The following SLC44A2 variants were observed in gnomAD, a reference collection of about 807,000 sequenced individuals.
SLC44A2 encodes choline transporter-like protein 2.
Under a neutral mutation model 90.8 loss-of-function variants are expected in SLC44A2, and 57 were observed. That is an observed-to-expected ratio of 0.63 (90% confidence interval 0.51 to 0.78). The LOEUF is 0.78. Among genes scored for constraint, SLC44A2 ranks in the 30% least tolerant of loss-of-function variants. The pLI, the probability that SLC44A2 is intolerant of heterozygous loss-of-function variation, is 0.00. For synonymous variants in SLC44A2, 355 were observed against 360.7 expected (o/e 0.98, Z 0.18); for missense variants, 794 against 919.7 (o/e 0.86, Z 1.77).
At chr19:10,610,631 C>CTTTTTT (rs56002726) in intron 1 of SLC44A2, among the ~76,000 whole-genome samples, 9 of 48,014 alleles carry the variant, frequency 1.9e-4, no homozygotes, top group African/African-American at 3.7e-4. Flanking sequence ...CCGCGCCTGG[C>CTTTTTT]TTTTTTTTTT....
chr19:10,613,735 G>A (rs1195045285), intron 1 of SLC44A2, among the ~76,000 whole-genome samples: 2 of 152,074 alleles, frequency 1.3e-5, no homozygotes, highest in Middle Eastern at 3.2e-3. Context: ...ATGGAACGAC[G>A]GAAGCGAGGT....
At chr19:10,628,962 A>G (rs1048479822) in intron 4 of SLC44A2, among the ~76,000 whole-genome samples, 1 of 151,818 alleles carries the variant, frequency 6.6e-6, no homozygotes, top group African/African-American at 2.4e-5. Context: ...TCACACCTGT[A>G]ATCCCAGCAC....
At chr19:10,637,171 GA>G (rs2067066708) in intron 16 of SLC44A2, 1 of 217,328 alleles carries the variant, frequency 4.6e-6, no homozygotes. Flanking sequence ...CCAACATGGT[GA>G]AACCCCGTCT....
chr19:10,618,666 A>G (rs1286112446), intron 1 of SLC44A2, among the ~76,000 whole-genome samples: 1 of 151,636 alleles, frequency 6.6e-6, no homozygotes, highest in Non-Finnish European at 1.5e-5. Context: ...TTTTTAGTAG[A>G]GACGGGGTTT....
At chr19:10,632,315 T>C (rs1294229212) in intron 10 of SLC44A2, among the ~76,000 whole-genome samples, 159 bp downstream of exon 10, 3 of 152,074 alleles carry the variant, frequency 2.0e-5, no homozygotes, top group East Asian at 3.9e-4. Flanking sequence ...GGCAGGCAGA[T>C]CACCCGAGGT....
At chr19:10,607,803 T>TG (rs1205983880) in intron 1 of SLC44A2, among the ~76,000 whole-genome samples, 1 of 149,212 alleles carries the variant, frequency 6.7e-6, no homozygotes, top group African/African-American at 2.4e-5. Flanking sequence ...TGGAGTGCAG[T>TG]GGCGTGATCT....
At chr19:10,643,126 G>C in intron 21 of SLC44A2, 153 bp from the exon 22 acceptor site, 3 of 1,450,016 alleles carry the variant, frequency 2.1e-6, no homozygotes, top group Non-Finnish European at 2.7e-6. Flanking sequence ...TGTGTCCCTC[G>C]GAGCCCACTA....
chr19:10,632,081 A>G lies in SLC44A2; in HGVS notation c.748A>G (p.Ile250Val), dbSNP rs766071200. Residue 250 changes from isoleucine (I) to valine (V), a missense_variant, in exon 10 of 22, where the codon ATC becomes GTC. By Grantham distance (29) the Ile-to-Val change is conservative. Transcript: ENST00000335757. ...TGCCATGGCGATGAGCCTCCTGTTC[A>G]TCATCCTGCTTCGCTTCCTGGCTGG... ...VIAMAMSLLFIILLRFLAGIM... is the reference protein window; with the variant it reads ...VIAMAMSLLFVILLRFLAGIM... 2.5e-6 allele frequency: 4 copies of G among 1,613,860 alleles called. No homozygotes were observed. The highest frequency in any genetic ancestry group is 3.4e-6 in the Non-Finnish European group (4 of 1,179,994).
At chr19:10,608,100 G>GT (rs1918166062) in intron 1 of SLC44A2, among the ~76,000 whole-genome samples, 1 of 151,774 alleles carries the variant, frequency 6.6e-6, no homozygotes, top group South Asian at 2.1e-4. Flanking sequence ...GCATGCACCT[G>GT]TAGTCTCAGA....
At chr19:10,632,446 G>C (rs1599250582) in intron 10 of SLC44A2, among the ~76,000 whole-genome samples, 1 of 149,430 alleles carries the variant, frequency 6.7e-6, no homozygotes, top group African/African-American at 2.5e-5. Context: ...TGAGGCAGGA[G>C]AATCGCTTGA....
At chr19:10,631,833 A>G (rs765439312) in intron 8 of SLC44A2, 35 bp from the exon 9 acceptor site, 8 of 1,614,094 alleles carry the variant, frequency 5.0e-6, no homozygotes, top group African/African-American at 1.3e-5. Flanking sequence ...ATCATGGAAG[A>G]GGGTCTGACC....
At chr19:10,614,376 C>T (rs2066838196) in intron 1 of SLC44A2, among the ~76,000 whole-genome samples, 1 of 152,024 alleles carries the variant, frequency 6.6e-6, no homozygotes. Context: ...GCACCAACCC[C>T]CTGTGAAATT....
rs142740069 is a variant in SLC44A2, at chr19:10,628,002, C to T, written c.243C>T (p.Asn81=). ...GEFCGQKGTK[N]ENKPYLFYFN... is the part of the protein sequence containing the mutation. ...TCTGCGGGCAGAAGGGCACAAAAAA[C>T]GAGTGAGTTGACTCCTTGCGGCCTG... Residue 81 remains asparagine (N), a splice_region_variant and synonymous_variant, in exon 4 of 22, where the codon AAC becomes AAT. Transcript: ENST00000335757. 3.2e-5 allele frequency: 52 copies of T among 1,612,608 alleles called. 1 individual carries two copies. The highest frequency in any genetic ancestry group is 9.9e-5 in the South Asian group (9 of 90,864).
chr19:10,628,071 ATCTC>A, intron 4 of SLC44A2, 67 bp downstream of exon 4: 2 of 1,403,722 alleles, frequency 1.4e-6, no homozygotes, highest in East Asian at 4.9e-5. Context: ...GGCATTCCCC[ATCTC>A]TCTAAGTCCA....
chr19:10,604,965 C>T (rs1159762243), intron 1 of SLC44A2, among the ~76,000 whole-genome samples: 1 of 152,168 alleles, frequency 6.6e-6, no homozygotes, highest in Non-Finnish European at 1.5e-5. Flanking sequence ...GCATTGCCAT[C>T]CTTCCCAGCC....
Position 10,637,859 on chromosome 19 carries a change from G to T in SLC44A2, c.1699G>T (p.Ala567Ser), listed in dbSNP as rs2067075697. ...TCTCCCTCCCACTCTCCTCCAGATT[G>T]CCATCTACGGCACCAATTTCTGCAC... ...FLNRNAYIMIAIYGTNFCTSA... is the reference protein window; with the variant it reads ...FLNRNAYIMISIYGTNFCTSA... Residue 567 changes from alanine (A) to serine (S), a missense_variant, in exon 18 of 22, where the codon GCC becomes TCC. Coordinates refer to ENST00000335757, the MANE Select transcript of SLC44A2 (RefSeq NM_020428.4). The T allele has an allele frequency of 6.2e-7, 1 of 1,614,076 alleles. No homozygotes were observed. Among genetic ancestry groups the T allele is most frequent in the Non-Finnish European group, 8.5e-7 (1 of 1,180,018 alleles).
At position 10,607,509 on chromosome 19, in the gene SLC44A2, C is replaced by G. The variant is rs563666175; in HGVS notation, c.31+4948C>G. ...GAGACTACGGGTGTGTGCCGTGATA[C>G]TCAACTAATTTTTTTTTTTTTTTTT... On this transcript the variant is annotated intron_variant, in intron 1 of 21. Transcript: ENST00000407327. Among the ~76,000 whole-genome samples the G allele has an allele frequency of 2.2e-3, 312 of 143,640 alleles. 3 individuals are homozygous for G. Among genetic ancestry groups the G allele is most frequent in the African/African-American group, 7.5e-3 (292 of 39,120 alleles). The allele number at this position is 143,640 out of a possible 152,430, so 94.2% of individuals were successfully genotyped here.
chr19:10,633,483 T>C (rs1192402790), intron 10 of SLC44A2, among the ~76,000 whole-genome samples: 1 of 151,846 alleles, frequency 6.6e-6, no homozygotes, highest in Non-Finnish European at 1.5e-5. Flanking sequence ...TGAGACAGAG[T>C]CTCACTCTGT....
rs115110577 is a variant in SLC44A2, at chr19:10,643,375, C to T, written c.2111C>T (p.Ala704Val). 12 of 1,611,480 alleles carry T rather than the reference C, an allele frequency of 7.4e-6. No individual in the cohort carries two copies. In the East Asian group the frequency reaches 1.3e-4, roughly 18 times the overall value. ...TTGAACAAGACCAACAAGAAGGCAGCGGAGTCCTGAAGGCCCCGTGCTCCC... is the reference window on the plus strand; with the variant it reads ...TTGAACAAGACCAACAAGAAGGCAGTGGAGTCCTGAAGGCCCCGTGCTCCC... The part of the protein sequence containing the change: ...KLLNKTNKKA[A>V]ES The change falls in exon 22 of 22, where the codon GCG (alanine) becomes GTG (valine). Residue 704 changes from alanine (A) to valine (V), a missense_variant. This residue lies in a region of SLC44A2 where 44 missense variants were observed against 43.9 expected (regional missense o/e 1.00). Transcript: ENST00000335757.
Sources: allele counts gnomAD v4.1 joint callset (sites outside exome capture counted in the v4.1 genomes callset), GRCh38; gene constraint gnomAD v4.1.1; regional missense constraint gnomAD v4.1.1; transcripts MANE v1.5; gene names NCBI Gene and HGNC (gene_info 2026-07-23, HGNC 2026-07-21).